Variants in LHFPL4 observed in about 807,000 individuals in gnomAD.
LHFPL4 encodes LHFPL tetraspan subfamily member 4 protein.
A neutral mutation model predicts 20.0 loss-of-function variants in LHFPL4; 6 were observed. The observed-to-expected ratio is 0.30, with a 90% CI of 0.16 to 0.59. The LOEUF (loss-of-function observed/expected upper bound fraction) is 0.59. Among genes scored for constraint, LHFPL4 ranks in the 20% least tolerant of loss-of-function variants. The pLI, the probability that LHFPL4 is intolerant of heterozygous loss-of-function variation, is 0.88. For synonymous variants in LHFPL4, 129 were observed against 143.8 expected, an observed-to-expected ratio of 0.90 and a Z score of 0.74; for missense variants, 215 against 331.2, an observed-to-expected ratio of 0.65 and a Z score of 2.72.
intron 2 of LHFPL4, among the ~76,000 whole-genome samples, chr3:9,525,110 C>A (rs1163726690): frequency 6.6e-6 from 1 of 152,160 alleles, no homozygotes; most frequent in Non-Finnish European, 1.5e-5. Context: ...CTCTAGTCAC[C>A]TAGTTTCTCC....
At chr3:9,540,909 A>T (rs894569155) in intron 2 of LHFPL4, among the ~76,000 whole-genome samples, 57 of 151,816 alleles carry the variant, frequency 3.8e-4, no homozygotes, top group Admixed American at 1.9e-3. Context: ...ATAATAATAA[A>T]AAATAAGAAA....
At chr3:9,511,626 TGTAG>T (rs1438987335) in intron 2 of LHFPL4, among the ~76,000 whole-genome samples, 1 of 152,166 alleles carries the variant, frequency 6.6e-6, no homozygotes, top group Non-Finnish European at 1.5e-5. Context: ...ACACTATAAA[TGTAG>T]GTATAATGAA....
At chr3:9,524,676 T>C (rs914049031) in intron 2 of LHFPL4, among the ~76,000 whole-genome samples, 10 of 152,216 alleles carry the variant, frequency 6.6e-5, no homozygotes, top group Non-Finnish European at 1.3e-4. Context: ...GTCAGAGCCA[T>C]TGCAATATTA....
Position 9,500,097 on chromosome 3 carries a change from CCAAT to C in LHFPL4, c.*2110_*2113del, listed in dbSNP as rs2046160389. ...CCTGTGCGTCCCCCTCGCTCCTTCT[CCAAT>C]CATCTCTCATCTCCCTGTCTCTGCA... On this transcript the variant is annotated 3_prime_UTR_variant, in exon 4 of 4. Transcript: ENST00000287585. 6.5e-6 allele frequency: 1 copy of C among 153,476 alleles called. No homozygotes were observed. The highest frequency in any genetic ancestry group is 1.4e-5 in the Non-Finnish European group (1 of 69,178). 9.5% of individuals were successfully genotyped at this position (153,476 alleles called of 1,614,324 possible).
chr3:9,504,141 C>T (rs1333291154), intron 3 of LHFPL4, among the ~76,000 whole-genome samples: 1 of 152,182 alleles, frequency 6.6e-6, no homozygotes, highest in Non-Finnish European at 1.5e-5. Flanking sequence ...GAAGCTGAGG[C>T]AGGCAGATCA....
At chr3:9,529,147 G>T (rs145765100) in intron 2 of LHFPL4, among the ~76,000 whole-genome samples, 1 of 151,504 alleles carries the variant, frequency 6.6e-6, no homozygotes, top group African/African-American at 2.4e-5. Flanking sequence ...TTCTGCCTCA[G>T]CCTCCCAAGT....
intron 2 of LHFPL4, among the ~76,000 whole-genome samples, chr3:9,518,945 AT>A (rs907405965): frequency 7.0e-6 from 1 of 143,362 alleles, no homozygotes; most frequent in Admixed American, 7.1e-5. Flanking sequence ...TTATTTATTT[AT>A]TTATTTAGAG....
chr3:9,551,801 C>T (rs1275751555), intron 2 of LHFPL4, among the ~76,000 whole-genome samples: 1 of 152,210 alleles, frequency 6.6e-6, no homozygotes, highest in Non-Finnish European at 1.5e-5. Flanking sequence ...CCCTGTTTTA[C>T]AGATGAGGAA....
intron 2 of LHFPL4, among the ~76,000 whole-genome samples, chr3:9,530,614 G>A (rs766834877): frequency 2.0e-5 from 3 of 152,122 alleles, no homozygotes; most frequent in Non-Finnish European, 4.4e-5. Context: ...TGTGCTCACC[G>A]GAGCAGCACT....
At chr3:9,535,282 A>T (rs2046438157) in intron 2 of LHFPL4, among the ~76,000 whole-genome samples, 1 of 152,218 alleles carries the variant, frequency 6.6e-6, no homozygotes. Flanking sequence ...TACACATGCT[A>T]GTTCATTTAA....
intron 2 of LHFPL4, among the ~76,000 whole-genome samples, chr3:9,537,102 C>T (rs1018486191): frequency 1.3e-5 from 2 of 151,906 alleles, no homozygotes; most frequent in African/African-American, 4.8e-5. Flanking sequence ...AAGAAAGAAA[C>T]CAGCTCTCCT....
intron 2 of LHFPL4, among the ~76,000 whole-genome samples, chr3:9,518,053 GTTT>G (rs1348168230): frequency 6.6e-6 from 1 of 151,896 alleles, no homozygotes; most frequent in East Asian, 1.9e-4. Context: ...TCTGTTGTAG[GTTT>G]TTTTGGCAAC....
intron 2 of LHFPL4, among the ~76,000 whole-genome samples, chr3:9,524,017 A>G (rs901873880): frequency 4.0e-5 from 5 of 126,334 alleles, no homozygotes; most frequent in African/African-American, 1.5e-4. Flanking sequence ...ATTTCACTCC[A>G]TTCTCTTCTT....
Position 9,501,405 on chromosome 3 carries a change from A to G in LHFPL4, c.*806T>C. On this transcript the variant is annotated 3_prime_UTR_variant, in exon 4 of 4. Coordinates refer to ENST00000287585, the MANE Select transcript of LHFPL4 (RefSeq NM_198560.3). The stretch of plus-strand genomic sequence containing the variant: ...CCAGCAGAGAGGAGGCCTGGGCAAA[A>G]GAGGCCAAGGTCAAGGGCTCAGTCA... The G allele has an allele frequency of 6.5e-6, 1 of 153,522 alleles. No individual in the cohort carries two copies. The highest frequency in any genetic ancestry group is 1.4e-5 in the Non-Finnish European group (1 of 69,094). 9.5% of individuals were successfully genotyped at this position (153,522 alleles called of 1,614,324 possible). A position where few individuals can be genotyped will look rare whatever the true frequency, so the allele number is the denominator to read the frequency against.
At chr3:9,533,126 T>C (rs2046421087) in intron 2 of LHFPL4, among the ~76,000 whole-genome samples, 1 of 152,192 alleles carries the variant, frequency 6.6e-6, no homozygotes, top group African/African-American at 2.4e-5. Flanking sequence ...GCACCAGGTA[T>C]TACAGTCTCC....
chr3:9,534,109 G>A (rs1225066196), intron 2 of LHFPL4, among the ~76,000 whole-genome samples: 2 of 151,446 alleles, frequency 1.3e-5, no homozygotes, highest in South Asian at 2.1e-4. Flanking sequence ...AGTAGTCCCC[G>A]CTATTTGGGA....
At position 9,506,147 on chromosome 3, in the gene LHFPL4, T is replaced by C; in HGVS notation, c.463A>G (p.Ile155Val). 6.2e-7 allele frequency: 1 copy of C among 1,614,042 alleles called. No homozygotes were observed. Among genetic ancestry groups the C allele is most frequent in the Non-Finnish European group, 8.5e-7 (1 of 1,180,010 alleles). The stretch of plus-strand genomic sequence containing the variant: ...GTCTTGGCCCCACACATGTCCCGGA[T>C]GGTCTCGGCATCCCAGCCATCAGGA... ...IFPDGWDAET[I>V]RDMCGAKTGK... The change falls in exon 3 of 4, where the codon ATC (isoleucine) becomes GTC (valine). Residue 155 changes from isoleucine (I) to valine (V), a missense_variant. Transcript: ENST00000287585. This position sits in a 1 kb window ranked among gnomAD's most constrained non-coding sequence, Gnocchi z 4.5.
In LHFPL4 at chr3:9,546,633, T is replaced by A. The variant is rs2046515355; in HGVS notation, c.406+5641A>T. ...CTGAGACTCAGACCCAGTCCTTACA[T>A]CTTTAAAATGAGGGAGTTGGGGAAG... On this transcript the variant is annotated intron_variant, in intron 2 of 3. Transcript: ENST00000287585. Among the ~76,000 whole-genome samples the A allele has an allele frequency of 2.0e-5, 3 of 152,182 alleles. 1 individual carries two copies. The highest frequency in any genetic ancestry group is 2.0e-4 in the Admixed American group (3 of 15,276).
intron 2 of LHFPL4, among the ~76,000 whole-genome samples, chr3:9,528,676 C>T (rs559579855): frequency 8.9e-4 from 135 of 152,276 alleles, no homozygotes; most frequent in South Asian, 3.3e-3. Context: ...AATGCAGTGG[C>T]GCAATCTCAG....
Sources: allele counts gnomAD v4.1 joint callset (sites outside exome capture counted in the v4.1 genomes callset), GRCh38; gene constraint gnomAD v4.1.1; non-coding constraint Gnocchi (gnomAD v3.1); transcripts MANE v1.5; gene names NCBI Gene and HGNC (gene_info 2026-07-23, HGNC 2026-07-21).